TNFSF4: variants seen among roughly 807,000 people sequenced by gnomAD.
The protein encoded by TNFSF4 is TNF superfamily member 4.
In TNFSF4, 4 loss-of-function variants were observed where a neutral mutation model predicts 7.3. The observed-to-expected ratio is 0.55, with a 90% CI of 0.27 to 1.25. TNFSF4 has a LOEUF of 1.25. Ranked by LOEUF, TNFSF4 falls within the 50% of genes most tolerant of loss-of-function variation. The pLI is 0.12. For missense variants in TNFSF4, 181 were observed against 208.8 expected, an observed-to-expected ratio of 0.87 and a Z score of 0.82; for synonymous variants, 76 against 83.7, an observed-to-expected ratio of 0.91 and a Z score of 0.50.
chr1:173,176,330 G>A, the TNFSF4 span, among the ~76,000 whole-genome samples: 159 of 152,082 alleles, frequency 1.0e-3, 2 homozygotes, highest in African/African-American at 3.7e-3. Flanking sequence ...TTAATGAGGA[G>A]ATATTATTAA....
chr1:173,398,670 C>A, the TNFSF4 span, among the ~76,000 whole-genome samples: 4 of 152,098 alleles, frequency 2.6e-5, no homozygotes, highest in Admixed American at 6.5e-5. Context: ...TCGTGATCCA[C>A]CCGCCTCAGC....
At chr1:173,207,753 T>C (rs928033332), upstream of TNFSF4, among the ~76,000 whole-genome samples, 2 of 152,152 alleles carry the variant, frequency 1.3e-5, no homozygotes, top group African/African-American at 4.8e-5. Flanking sequence ...AGATCATTCT[T>C]GAATGAAAAA....
the TNFSF4 span, among the ~76,000 whole-genome samples, chr1:173,385,213 T>C: frequency 2.0e-5 from 3 of 152,218 alleles, no homozygotes; most frequent in Non-Finnish European, 2.9e-5. Flanking sequence ...ATACCAATTA[T>C]TATGAAATTC....
chr1:173,244,677 A>T, the TNFSF4 span, among the ~76,000 whole-genome samples: 1 of 151,744 alleles, frequency 6.6e-6, no homozygotes, highest in African/African-American at 2.4e-5. Context: ...CAAAAAAAAA[A>T]CATAAACCCT....
At chr1:173,246,669 A>G in the TNFSF4 span, among the ~76,000 whole-genome samples, 2 of 152,228 alleles carry the variant, frequency 1.3e-5, no homozygotes, top group Non-Finnish European at 2.9e-5. Flanking sequence ...ATTTTTACCC[A>G]TTTATTAGCA....
chr1:173,202,534 C>G (rs11811856), intron 1 of TNFSF4, among the ~76,000 whole-genome samples: 43,702 of 152,046 alleles, frequency 0.29, 6,460 homozygotes, highest in Middle Eastern at 0.36. Context: ...ACAAGAGAAT[C>G]GTTACTTTTA....
the TNFSF4 span, among the ~76,000 whole-genome samples, chr1:173,264,352 G>A: frequency 7.1e-6 from 1 of 141,442 alleles, no homozygotes; most frequent in African/African-American, 2.7e-5. Context: ...AGAGACAGTG[G>A]TCTCTCTATG....
chr1:173,353,054 T>G, the TNFSF4 span, among the ~76,000 whole-genome samples: 9 of 152,168 alleles, frequency 5.9e-5, no homozygotes, highest in Non-Finnish European at 1.3e-4. Flanking sequence ...TCAACATCGC[T>G]GTTATCCTGT....
chr1:173,379,562 A>G, the TNFSF4 span, among the ~76,000 whole-genome samples: 6 of 152,300 alleles, frequency 3.9e-5, no homozygotes, highest in African/African-American at 1.4e-4. Flanking sequence ...TCAGCCACAG[A>G]TATCAGGAGA....
chr1:173,373,905 A>T, the TNFSF4 span, among the ~76,000 whole-genome samples: 1 of 152,226 alleles, frequency 6.6e-6, no homozygotes, highest in East Asian at 1.9e-4. Context: ...ATAAAGTGAC[A>T]ATGGTCTGGC....
At chr1:173,285,574 T>C in the TNFSF4 span, among the ~76,000 whole-genome samples, 1 of 152,142 alleles carries the variant, frequency 6.6e-6, no homozygotes, top group East Asian at 1.9e-4. Flanking sequence ...AACTTTATTG[T>C]TGTCTTATTT....
chr1:173,322,432 C>G, the TNFSF4 span, among the ~76,000 whole-genome samples: 2 of 152,068 alleles, frequency 1.3e-5, no homozygotes, highest in African/African-American at 4.8e-5. Flanking sequence ...CGAATAGGAA[C>G]AGCTCCAGTC....
At chr1:173,320,094 G>A in the TNFSF4 span, among the ~76,000 whole-genome samples, 1 of 152,082 alleles carries the variant, frequency 6.6e-6, no homozygotes, top group African/African-American at 2.4e-5. Context: ...TAAAATGAAG[G>A]CAAACTGAAT....
chr1:173,411,915 C>T, the TNFSF4 span, among the ~76,000 whole-genome samples: 1 of 151,992 alleles, frequency 6.6e-6, no homozygotes, highest in Non-Finnish European at 1.5e-5. Context: ...GTCAGGAGTT[C>T]GAGACTAGCC....
the TNFSF4 span, among the ~76,000 whole-genome samples, chr1:173,381,989 G>A: frequency 2.0e-5 from 3 of 152,058 alleles, no homozygotes; most frequent in African/African-American, 7.3e-5. Context: ...CGTGGGCAGG[G>A]TGAAATAAAG....
At chr1:173,303,615 T>C in the TNFSF4 span, among the ~76,000 whole-genome samples, 1 of 151,842 alleles carries the variant, frequency 6.6e-6, no homozygotes, top group Non-Finnish European at 1.5e-5. Context: ...TTTTAAATTA[T>C]AAAAGATGTT....
the TNFSF4 span, among the ~76,000 whole-genome samples, chr1:173,394,987 C>CAGATAGATAGATAG: frequency 1.6e-5 from 2 of 126,876 alleles, no homozygotes; most frequent in African/African-American, 6.3e-5. Flanking sequence ...ATAGAGGACA[C>CAGATAGATAGATAG]ATAGATAGAT....
the TNFSF4 span, among the ~76,000 whole-genome samples, chr1:173,380,316 TC>T: frequency 6.6e-6 from 1 of 151,986 alleles, no homozygotes; most frequent in Admixed American, 6.6e-5. Context: ...CCATTTGTAG[TC>T]CCCTGCTTGA....
the TNFSF4 span, among the ~76,000 whole-genome samples, chr1:173,400,585 C>T: frequency 0.68 from 103,265 of 151,646 alleles, 35,117 homozygotes; most frequent in African/African-American, 0.72. Context: ...CCACTTTGGG[C>T]TCTTCATGCC....
Sources: gnomAD v4.1 joint callset for allele counts (sites outside exome capture counted in the v4.1 genomes callset) on GRCh38, gnomAD v4.1.1 for gene constraint, MANE v1.5 for transcripts, NCBI Gene and HGNC (gene_info 2026-07-23, HGNC 2026-07-21) for gene names.